Variants in HS3ST3A1 observed in about 807,000 individuals in gnomAD.
HS3ST3A1 encodes heparan sulfate glucosamine 3-O-sulfotransferase 3A1.
HS3ST3A1 carries 19 observed loss-of-function variants against 25.7 expected under a neutral mutation model. The ratio of observed to expected loss-of-function variants is 0.74; its 90% CI spans 0.52 to 1.08. HS3ST3A1 has a LOEUF of 1.08. Ranked by LOEUF, HS3ST3A1 falls within the 50% of genes least tolerant of loss-of-function variation. The probability of loss-of-function intolerance (pLI) is 0.00; values close to 1 mark genes in which losing one functional copy is unlikely to be tolerated. For missense variants in HS3ST3A1, 459 were observed against 594.3 expected (o/e 0.77, Z 2.37); for synonymous variants, 226 against 278.6 (o/e 0.81, Z 1.88).
intron 1 of HS3ST3A1, among the ~76,000 whole-genome samples, chr17:13,511,645 T>A (rs1373633668): frequency 6.6e-6 from 1 of 151,518 alleles, no homozygotes; most frequent in African/African-American, 2.4e-5. Flanking sequence ...CTCTGACATG[T>A]ATAAATATGT....
chr17:13,572,393 A>C (rs1187506787), intron 1 of HS3ST3A1, among the ~76,000 whole-genome samples: 3 of 152,128 alleles, frequency 2.0e-5, no homozygotes, highest in African/African-American at 7.2e-5. Context: ...CGCTCGGACC[A>C]CTTTCTTGTG....
At chr17:13,513,741 C>G (rs1395987806) in intron 1 of HS3ST3A1, among the ~76,000 whole-genome samples, 1 of 152,158 alleles carries the variant, frequency 6.6e-6, no homozygotes, top group African/African-American at 2.4e-5. Flanking sequence ...TAGTGAATCC[C>G]TTATTATTGG....
chr17:13,495,999 A>G lies in HS3ST3A1; in HGVS notation c.*198T>C, dbSNP rs889056461. The G allele has an allele frequency of 6.6e-6, 4 of 602,338 alleles. No individual in the cohort carries two copies. The highest frequency in any genetic ancestry group is 4.7e-4 in the Middle Eastern group (1 of 2,138). 37.3% of individuals were successfully genotyped at this position (602,338 alleles called of 1,614,324 possible). The stretch of plus-strand genomic sequence containing the variant: ...AATTGAAAGTGTTTAGACGAGTGAA[A>G]TTTTCCTTTTCTGTTGATCCACGTG... On this transcript the variant is annotated 3_prime_UTR_variant, in exon 2 of 2. Transcript: ENST00000284110.
At chr17:13,600,249 A>G (rs1908683082) in intron 1 of HS3ST3A1, among the ~76,000 whole-genome samples, 1 of 152,050 alleles carries the variant, frequency 6.6e-6, no homozygotes, top group African/African-American at 2.4e-5. Context: ...ATACATGAAT[A>G]CTTTCGCAGA....
intron 1 of HS3ST3A1, among the ~76,000 whole-genome samples, chr17:13,532,671 A>C (rs190519039): frequency 3.6e-4 from 55 of 152,232 alleles, no homozygotes; most frequent in Non-Finnish European, 2.1e-4. Context: ...GGAATACTGA[A>C]GATGGGCAAA....
rs561786253 is a variant in HS3ST3A1, at chr17:13,527,905, T to A, written c.600-31087A>T. ...GCTGTTTGCTTTTTTGGGAAATGTA[T>A]AATTAAAGTACAATGACCTACTGCA... On this transcript the variant is annotated intron_variant, in intron 1 of 1. Coordinates refer to ENST00000284110, the MANE Select transcript of HS3ST3A1 (RefSeq NM_006042.3). Among the ~76,000 whole-genome samples, 8 of 152,300 alleles carry A rather than the reference T, an allele frequency of 5.3e-5. No homozygotes were observed. In the East Asian group the frequency reaches 7.7e-4, roughly 15 times the overall value.
intron 1 of HS3ST3A1, among the ~76,000 whole-genome samples, chr17:13,576,812 A>G (rs1907958667): frequency 6.6e-6 from 1 of 152,202 alleles, no homozygotes; most frequent in African/African-American, 2.4e-5. Context: ...TTTTTAACCA[A>G]TAAACCGGAT....
intron 1 of HS3ST3A1, among the ~76,000 whole-genome samples, chr17:13,570,978 T>A (rs896521305): frequency 5.3e-5 from 8 of 152,106 alleles, no homozygotes; most frequent in Non-Finnish European, 1.2e-4. Context: ...TTGCTCAGCA[T>A]TAGAGATATA....
chr17:13,582,644 C>T (rs925021620), intron 1 of HS3ST3A1, among the ~76,000 whole-genome samples: 1 of 152,148 alleles, frequency 6.6e-6, no homozygotes, highest in Non-Finnish European at 1.5e-5. Flanking sequence ...ACATTTAATG[C>T]CCAACGTATT....
At chr17:13,594,824 G>GCTAC (rs1007639693) in intron 1 of HS3ST3A1, among the ~76,000 whole-genome samples, 3 of 150,342 alleles carry the variant, frequency 2.0e-5, no homozygotes, top group African/African-American at 4.9e-5. Flanking sequence ...TGCTATAAGT[G>GCTAC]CTACCTAAAC....
chr17:13,560,947 T>C (rs1907529579), intron 1 of HS3ST3A1, among the ~76,000 whole-genome samples: 1 of 152,192 alleles, frequency 6.6e-6, no homozygotes, highest in Non-Finnish European at 1.5e-5. Flanking sequence ...CCTGACACCA[T>C]GTAGCCTATG....
chr17:13,501,647 T>A (rs1261189527), intron 1 of HS3ST3A1, among the ~76,000 whole-genome samples: 5 of 152,038 alleles, frequency 3.3e-5, no homozygotes, highest in African/African-American at 4.8e-5. Context: ...CTCAGTTTAT[T>A]CACCTTACCA....
chr17:13,568,207 A>C lies in HS3ST3A1; in HGVS notation c.599+32324T>G, dbSNP rs111413446. On this transcript the variant is annotated intron_variant, in intron 1 of 1. Coordinates refer to ENST00000284110, the MANE Select transcript of HS3ST3A1 (RefSeq NM_006042.3). ...CTCAGCTGATCATTAGTACTTTGTT[A>C]GCAATAAAGTATTTTTAAACTAAGG... is the stretch of plus-strand genomic sequence containing the variant. Among the ~76,000 whole-genome samples, 325 of 152,384 alleles carry C rather than the reference A, an allele frequency of 2.1e-3. 2 individuals are homozygous for C. Among genetic ancestry groups the C allele is most frequent in the African/African-American group, 7.3e-3 (302 of 41,596 alleles).
At chr17:13,593,057 T>A (rs1908471763) in intron 1 of HS3ST3A1, among the ~76,000 whole-genome samples, 1 of 152,170 alleles carries the variant, frequency 6.6e-6, no homozygotes, top group African/African-American at 2.4e-5. Flanking sequence ...TAACCCAAAG[T>A]GTCTACAACA....
At chr17:13,539,548 T>G (rs908519740) in intron 1 of HS3ST3A1, among the ~76,000 whole-genome samples, 1 of 152,186 alleles carries the variant, frequency 6.6e-6, no homozygotes, top group Non-Finnish European at 1.5e-5. Flanking sequence ...TGTTTGTTAT[T>G]GGATTCTCAT....
intron 1 of HS3ST3A1, among the ~76,000 whole-genome samples, chr17:13,588,389 G>T (rs964509340): frequency 2.6e-5 from 4 of 152,156 alleles, no homozygotes; most frequent in Non-Finnish European, 5.9e-5. Context: ...AGGGTTAAAA[G>T]AATTGAAGTT....
At chr17:13,596,092 G>C (rs1198435205) in intron 1 of HS3ST3A1, among the ~76,000 whole-genome samples, 2 of 152,156 alleles carry the variant, frequency 1.3e-5, no homozygotes, top group Non-Finnish European at 2.9e-5. Flanking sequence ...TTTTTAAAGA[G>C]CAGGCAGGAG....
At chr17:13,530,223 A>G (rs1172221391) in intron 1 of HS3ST3A1, among the ~76,000 whole-genome samples, 7 of 152,184 alleles carry the variant, frequency 4.6e-5, no homozygotes, top group African/African-American at 1.7e-4. Flanking sequence ...GCTTTGAATA[A>G]GTTAAGAGGA....
At chr17:13,522,822 C>G (rs1390399421) in intron 1 of HS3ST3A1, among the ~76,000 whole-genome samples, 1 of 137,718 alleles carries the variant, frequency 7.3e-6, no homozygotes, top group Admixed American at 8.0e-5. Context: ...TTCATAATCA[C>G]ACACACACAC....
Sources: gnomAD v4.1 joint callset for allele counts (sites outside exome capture counted in the v4.1 genomes callset) on GRCh38, gnomAD v4.1.1 for gene constraint, MANE v1.5 for transcripts, NCBI Gene and HGNC (gene_info 2026-07-23, HGNC 2026-07-21) for gene names.